The following RIC3 variants were observed in gnomAD, a reference collection of about 807,000 sequenced individuals.
RIC3 encodes protein RIC-3.
Under a neutral mutation model 27.3 loss-of-function variants are expected in RIC3, and 28 were observed. The ratio of observed to expected loss-of-function variants is 1.02; its 90% CI spans 0.76 to 1.41. The LOEUF is 1.41. Among genes scored for constraint, RIC3 ranks in the 40% most tolerant of loss-of-function variants. The pLI, the probability that RIC3 is intolerant of heterozygous loss-of-function variation, is 0.00. For missense variants in RIC3, 501 were observed against 444.7 expected (o/e 1.13, Z -1.14); for synonymous variants, 184 against 160.4 (o/e 1.15, Z -1.11).
At chr11:8,102,182 A>T (rs1431854759), downstream of RIC3, 2 of 152,560 alleles carry the variant, frequency 1.3e-5, no homozygotes, top group Non-Finnish European at 2.9e-5. Context: ...GCCTGAGAGA[A>T]GTTGGGAGGG....
intron 1 of RIC3, among the ~76,000 whole-genome samples, chr11:8,151,733 G>A (rs1042675062): frequency 1.8e-4 from 27 of 151,650 alleles, no homozygotes; most frequent in Non-Finnish European, 3.5e-4. Context: ...GGCCAACATG[G>A]TGAAACCTCG....
chr11:8,129,330 AGTT>A (rs1947391716), intron 4 of RIC3, among the ~76,000 whole-genome samples: 1 of 152,230 alleles, frequency 6.6e-6, no homozygotes, highest in South Asian at 2.1e-4. Context: ...GCCCTCAGGA[AGTT>A]GACCCAGTAT....
intron 5 of RIC3, 87 bp from the exon 6 acceptor site, chr11:8,111,224 G>T: frequency 1.0e-6 from 1 of 963,656 alleles, no homozygotes; most frequent in Non-Finnish European, 1.5e-6. Flanking sequence ...GGATTCTCAG[G>T]CAGCAGCCAT....
Position 8,110,741 on chromosome 11 carries a change from G to A in RIC3, c.1067C>T (p.Thr356Ile), listed in dbSNP as rs147354702. 8.2e-5 allele frequency: 132 copies of A among 1,614,222 alleles called. No individual in the cohort carries two copies. In the East Asian group the frequency reaches 2.2e-3, roughly 27 times the overall value. The change falls in exon 6 of 6, where the codon ACA becomes ATA. Residue 356 changes from threonine (T) to isoleucine (I), a missense_variant. Transcript: ENST00000309737. ...GTTACGCTTCCTCAGCATGCTGCCT[G>A]TATATGCTTTATCGGTGCTGATGCC... ...GLGISTDKAY[T>I]GSMLRKRNPQ...
chr11:8,098,310 A>C, the RIC3 span, among the ~76,000 whole-genome samples: 1 of 152,046 alleles, frequency 6.6e-6, no homozygotes, highest in African/African-American at 2.4e-5. Context: ...AGATTTGGGG[A>C]GCATAAATAA....
rs1260853039 is a variant in RIC3 at position 8,126,761 on chromosome 11, G to C, written c.568C>G (p.Gln190Glu). The change falls in exon 5 of 6, where the codon CAG becomes GAG. Residue 190 changes from glutamine (Q) to glutamate (E), a missense_variant. Gln to Glu is a conservative substitution (Grantham distance 29, BLOSUM62 2). Coordinates refer to ENST00000309737, the MANE Select transcript of RIC3 (RefSeq NM_001206671.4). Reference protein sequence around the residue: ...TSDQEKRLLHQLREITRVMKE... With the variant: ...TSDQEKRLLHELREITRVMKE... ...ATGACCCTGGTGATTTCTCGGAGCT[G>C]ATGTAGCAACCGTTTCTCTTGGTCA... The C allele has an allele frequency of 6.2e-7, 1 of 1,614,134 alleles. No individual in the cohort carries two copies. The highest frequency in any genetic ancestry group is 1.1e-5 in the South Asian group (1 of 91,078).
At chr11:8,153,504 T>C in intron 1 of RIC3, 1 of 423,694 alleles carries the variant, frequency 2.4e-6, no homozygotes, top group Non-Finnish European at 4.6e-6. Flanking sequence ...TGTCAAATTT[T>C]CCTGCCTTAA....
intron 4 of RIC3, among the ~76,000 whole-genome samples, chr11:8,136,224 G>A (rs73411610): frequency 5.3e-5 from 8 of 152,290 alleles, no homozygotes; most frequent in African/African-American, 1.9e-4. Flanking sequence ...CCAAAGACAG[G>A]CAAGGCCGAA....
Position 8,108,154 on chromosome 11 carries a change from G to C in RIC3, c.*2544C>G, listed in dbSNP as rs920821766. 8 of 152,280 alleles carry C rather than the reference G, an allele frequency of 5.3e-5. No individual in the cohort carries two copies. The highest frequency in any genetic ancestry group is 2.1e-4 in the South Asian group (1 of 4,818). The allele number at this position is 152,280 out of a possible 1,614,324, so 9.4% of individuals were successfully genotyped here. On this transcript the variant is annotated 3_prime_UTR_variant, in exon 6 of 6. Coordinates refer to ENST00000309737, the MANE Select transcript of RIC3 (RefSeq NM_001206671.4). The stretch of plus-strand genomic sequence containing the variant: ...ACCACCATAAGGGCTTAGTACTTCT[G>C]GCAGGAATTTCCATAAGCCAATTTT...
intron 1 of RIC3, among the ~76,000 whole-genome samples, chr11:8,167,078 T>C (rs1951757258): frequency 6.6e-6 from 1 of 152,190 alleles, no homozygotes. Flanking sequence ...AGTTTTTTCC[T>C]AGGTTATACT....
intron 1 of RIC3, among the ~76,000 whole-genome samples, chr11:8,144,559 G>C (rs907309294): frequency 2.7e-5 from 4 of 150,480 alleles, no homozygotes; most frequent in African/African-American, 9.8e-5. Context: ...TGGAGAAATA[G>C]GAACACTTTT....
chr11:8,111,165 A>G, intron 5 of RIC3, 28 bp from the exon 6 acceptor site: 1 of 1,478,542 alleles, frequency 6.8e-7, no homozygotes, highest in Non-Finnish European at 9.1e-7. Context: ...ACAAAGTATT[A>G]CAAAGAATGT....
intron 4 of RIC3, among the ~76,000 whole-genome samples, chr11:8,132,517 A>G (rs1302255552): frequency 6.6e-6 from 1 of 152,190 alleles, no homozygotes; most frequent in Non-Finnish European, 1.5e-5. Context: ...ACTGTGCTTA[A>G]TATCAGACAG....
At chr11:8,100,912 T>C in the RIC3 span, 3 of 1,614,146 alleles carry the variant, frequency 1.9e-6, no homozygotes, top group African/African-American at 1.3e-5. Flanking sequence ...TCTGGAATGA[T>C]GACACACAGT....
chr11:8,099,900 A>G, the RIC3 span, among the ~76,000 whole-genome samples: 3 of 152,236 alleles, frequency 2.0e-5, no homozygotes, highest in Non-Finnish European at 2.9e-5. Context: ...CAGGCAGTAA[A>G]TGGTGAGGAG....
In RIC3 at chr11:8,106,194, T is replaced by C. The variant is rs1944618170; in HGVS notation, c.*4504A>G. The C allele has an allele frequency of 1.3e-5, 2 of 152,124 alleles. No homozygotes were observed. The highest frequency in any genetic ancestry group is 4.8e-5 in the African/African-American group (2 of 41,460). 9.4% of individuals were successfully genotyped at this position (152,124 alleles called of 1,614,324 possible). ...TATGTATGTTGTAGAATTTAGTGTT[T>C]GTCTAAGTACACACATATATCAACA... is the stretch of plus-strand genomic sequence containing the variant. On this transcript the variant is annotated 3_prime_UTR_variant, in exon 6 of 6. Coordinates refer to ENST00000309737, the MANE Select transcript of RIC3 (RefSeq NM_001206671.4).
chr11:8,103,696 C>G (rs186717831), downstream of RIC3: 716 of 152,740 alleles, frequency 4.7e-3, 3 homozygotes, highest in Non-Finnish European at 7.1e-3. Flanking sequence ...TCCAGTTTAG[C>G]CCTTCCCTGC....
intron 2 of RIC3, chr11:8,139,499 C>G (rs1457551839): frequency 6.3e-6 from 1 of 157,676 alleles, no homozygotes; most frequent in Admixed American, 6.2e-5. Context: ...ATCTCAAATT[C>G]CTGTGGAGAA....
At chr11:8,095,620 G>A in the RIC3 span, 95 of 1,610,742 alleles carry the variant, frequency 5.9e-5, no homozygotes, top group Middle Eastern at 1.6e-4. Context: ...TGGTGGGGGC[G>A]AACGGCCCAG....
Sources: allele counts gnomAD v4.1 joint callset (sites outside exome capture counted in the v4.1 genomes callset), GRCh38; gene constraint gnomAD v4.1.1; transcripts MANE v1.5; gene names NCBI Gene and HGNC (gene_info 2026-07-23, HGNC 2026-07-21).